SDCCAG8: variants seen among roughly 807,000 people sequenced by gnomAD.
The protein encoded by SDCCAG8 is SHH signaling and ciliogenesis regulator SDCCAG8.
SDCCAG8 carries 74 observed loss-of-function variants against 101.8 expected under a neutral mutation model. That is an observed-to-expected ratio of 0.73 (90% CI 0.60 to 0.88). The LOEUF (loss-of-function observed/expected upper bound fraction) is 0.88. Ranked by LOEUF, SDCCAG8 falls within the 40% of genes least tolerant of loss-of-function variation. SDCCAG8 has a pLI of 0.00. For synonymous variants in SDCCAG8, 281 were observed against 292.9 expected, an observed-to-expected ratio of 0.96 and a Z score of 0.41; for missense variants, 787 against 822.6, an observed-to-expected ratio of 0.96 and a Z score of 0.53.
chr1:243,319,917 A>G (rs750717138), intron 9 of SDCCAG8, among the ~76,000 whole-genome samples: 5 of 151,960 alleles, frequency 3.3e-5, no homozygotes, highest in Admixed American at 6.6e-5. Flanking sequence ...TCAAAGTTAA[A>G]TCTACTCCAT....
chr1:243,438,241 C>A (rs2082279383), intron 16 of SDCCAG8, among the ~76,000 whole-genome samples: 1 of 152,272 alleles, frequency 6.6e-6, no homozygotes, highest in East Asian at 1.9e-4. Flanking sequence ...GTGTTTGGGG[C>A]TCCCATGGAT....
chr1:243,392,683 A>T (rs2078772880), intron 13 of SDCCAG8, among the ~76,000 whole-genome samples: 1 of 152,220 alleles, frequency 6.6e-6, no homozygotes, highest in African/African-American at 2.4e-5. Context: ...TGCACAAAGA[A>T]TTATCTGTTA....
intron 1 of SDCCAG8, chr1:243,267,325 GGT>G (rs2067697478): frequency 4.3e-6 from 1 of 232,544 alleles, no homozygotes; most frequent in Non-Finnish European, 8.5e-6. Context: ...CACTGGGCGT[GGT>G]GGCTTACGCC....
At chr1:243,372,934 ATATCTATATCTATATC>A (rs1487155012) in intron 12 of SDCCAG8, among the ~76,000 whole-genome samples, 3 of 145,440 alleles carry the variant, frequency 2.1e-5, no homozygotes, top group Non-Finnish European at 3.0e-5. Flanking sequence ...ATCTATATCT[ATATCTATATCTATATC>A]TATCTATATA....
At chr1:243,330,800 C>A in intron 10 of SDCCAG8, 108 bp downstream of exon 10, 1 of 1,059,906 alleles carries the variant, frequency 9.4e-7, no homozygotes, top group Non-Finnish European at 1.4e-6. Context: ...ATTTTAAAAT[C>A]GTTATTATAT....
intron 17 of SDCCAG8, among the ~76,000 whole-genome samples, chr1:243,491,881 CAGCCTGGATGAGTTAAGCTTAACTTA>C (rs1666506784): frequency 6.6e-6 from 1 of 152,200 alleles, no homozygotes; most frequent in Non-Finnish European, 1.5e-5. Flanking sequence ...TCCGTTTTCT[CAGCCTGGATGAGTTAAGCTTAACTTA>C]ATTTTGCATG....
chr1:243,312,373 C>A (rs886387222), intron 8 of SDCCAG8, among the ~76,000 whole-genome samples: 1 of 152,160 alleles, frequency 6.6e-6, no homozygotes, highest in Admixed American at 6.5e-5. Flanking sequence ...TTGTTGCATC[C>A]TTTAGCATTT....
At position 243,445,132 on chromosome 1, in the gene SDCCAG8, G is replaced by A. The variant is rs114471682; in HGVS notation, c.1985+18574G>A. Among the ~76,000 whole-genome samples, 584 of 152,164 alleles carry A rather than the reference G, an allele frequency of 3.8e-3. 2 individuals carry two copies. Among genetic ancestry groups the A allele is most frequent in the Non-Finnish European group, 5.8e-3 (397 of 68,008 alleles). On this transcript the variant is annotated intron_variant, in intron 16 of 17. Coordinates refer to ENST00000366541, the MANE Select transcript of SDCCAG8 (RefSeq NM_006642.5). ...ATTTTTCCAAATATTATTTTCTAAT[G>A]TATTTCTAAAGACTAATAAATTTTT... is the stretch of plus-strand genomic sequence containing the variant.
intron 5 of SDCCAG8, among the ~76,000 whole-genome samples, chr1:243,289,500 A>C (rs2070002026): frequency 6.6e-6 from 1 of 152,210 alleles, no homozygotes. Context: ...ATATAGTAAT[A>C]ACTAACATTT....
chr1:243,378,417 TA>T (rs1350180108), intron 12 of SDCCAG8, among the ~76,000 whole-genome samples: 2 of 152,176 alleles, frequency 1.3e-5, no homozygotes, highest in Non-Finnish European at 2.9e-5. Context: ...AGTGGTATTT[TA>T]AGTAAATATT....
chr1:243,315,668 C>T (rs1469817209), intron 8 of SDCCAG8, among the ~76,000 whole-genome samples: 1 of 151,992 alleles, frequency 6.6e-6, no homozygotes, highest in Non-Finnish European at 1.5e-5. Context: ...TTGGTTAATT[C>T]TGAAAGTAAT....
chr1:243,335,539 T>C (rs569134482), intron 10 of SDCCAG8, among the ~76,000 whole-genome samples: 16 of 152,270 alleles, frequency 1.1e-4, no homozygotes, highest in African/African-American at 3.6e-4. Context: ...CCAGGTGCCT[T>C]CATATGTAAC....
At chr1:243,292,222 G>A (rs562882130) in intron 5 of SDCCAG8, among the ~76,000 whole-genome samples, 19 of 152,268 alleles carry the variant, frequency 1.2e-4, no homozygotes, top group Admixed American at 2.0e-4. Context: ...GGCTGTTGGC[G>A]ATTAAGTCAA....
intron 16 of SDCCAG8, among the ~76,000 whole-genome samples, chr1:243,472,503 G>A (rs185375333): frequency 6.6e-6 from 1 of 152,210 alleles, no homozygotes; most frequent in Non-Finnish European, 1.5e-5. Flanking sequence ...AAAAACGGAA[G>A]CAAGTAAGAA....
chr1:243,276,364 G>A lies in SDCCAG8; in HGVS notation c.420+1708G>A, dbSNP rs146501815. ...CTGAACTGGTAAAATGGAAGATTACGGAAGCCTTGACTGTCAGACAGAGTG... is the reference window on the plus strand; with the variant it reads ...CTGAACTGGTAAAATGGAAGATTACAGAAGCCTTGACTGTCAGACAGAGTG... On this transcript the variant is annotated intron_variant, in intron 4 of 17. Coordinates refer to ENST00000366541, the MANE Select transcript of SDCCAG8 (RefSeq NM_006642.5). Among the ~76,000 whole-genome samples the A allele has an allele frequency of 1.8e-3, 280 of 152,238 alleles. 1 individual carries two copies. The highest frequency in any genetic ancestry group is 6.4e-3 in the African/African-American group (267 of 41,540).
At chr1:243,304,692 T>A (rs1340775512) in intron 6 of SDCCAG8, 21 bp from the exon 7 acceptor site, 2 of 1,309,222 alleles carry the variant, frequency 1.5e-6, no homozygotes, top group Non-Finnish European at 2.2e-6. Context: ...AAAAATGTAC[T>A]TCTATTTTTC....
intron 15 of SDCCAG8, 30 bp downstream of exon 15, chr1:243,418,106 G>C: frequency 2.8e-6 from 4 of 1,453,234 alleles, no homozygotes; most frequent in Non-Finnish European, 3.9e-6. Flanking sequence ...ACTTTCAAGA[G>C]CACTGTTTGT....
At chr1:243,409,517 T>G (rs1439224135) in intron 13 of SDCCAG8, among the ~76,000 whole-genome samples, 1 of 152,166 alleles carries the variant, frequency 6.6e-6, no homozygotes, top group East Asian at 1.9e-4. Flanking sequence ...AGATCCTGAT[T>G]TCTAAATACC....
intron 16 of SDCCAG8, among the ~76,000 whole-genome samples, chr1:243,452,896 A>T (rs1047913424): frequency 1.3e-5 from 2 of 152,214 alleles, no homozygotes; most frequent in African/African-American, 4.8e-5. Context: ...GCAGCCTCTC[A>T]AAACGTTGAA....
Sources: allele counts gnomAD v4.1 joint callset (sites outside exome capture counted in the v4.1 genomes callset), GRCh38; gene constraint gnomAD v4.1.1; transcripts MANE v1.5; gene names NCBI Gene and HGNC (gene_info 2026-07-23, HGNC 2026-07-21).